Variants in CBR4 observed in about 807,000 individuals in gnomAD.
The protein encoded by CBR4 is 3-oxoacyl-[acyl-carrier-protein] reductase.
Under a neutral mutation model 21.0 loss-of-function variants are expected in CBR4, and 22 were observed. That is an observed-to-expected ratio of 1.05 (90% CI 0.75 to 1.50). The LOEUF is 1.50. CBR4 is among the 40% of genes most tolerant of loss of function. The probability of loss-of-function intolerance (pLI) is 0.00; values close to 1 mark genes in which losing one functional copy is unlikely to be tolerated. For missense variants in CBR4, 302 were observed against 286.3 expected (o/e 1.05, Z -0.40); for synonymous variants, 100 against 104.4 (o/e 0.96, Z 0.26).
chr4:168,922,238 C>A (rs1458888017), intron 2 of CBR4, among the ~76,000 whole-genome samples: 1 of 151,916 alleles, frequency 6.6e-6, no homozygotes, highest in Non-Finnish European at 1.5e-5. Context: ...TAGGTAAATT[C>A]TGTAAAAGTG....
At chr4:168,958,824 C>T (rs1227002555) in intron 2 of CBR4, among the ~76,000 whole-genome samples, 1 of 152,186 alleles carries the variant, frequency 6.6e-6, no homozygotes. Context: ...TTTCACATAT[C>T]TACAATTACT....
At chr4:168,979,027 A>G (rs1764459135) in intron 2 of CBR4, among the ~76,000 whole-genome samples, 1 of 152,026 alleles carries the variant, frequency 6.6e-6, no homozygotes. Flanking sequence ...CAAAGAGGTT[A>G]GGGACTATCT....
chr4:168,910,863 T>A (rs1355810470), intron 2 of CBR4, among the ~76,000 whole-genome samples: 2 of 152,146 alleles, frequency 1.3e-5, no homozygotes, highest in African/African-American at 4.8e-5. Flanking sequence ...AGATAGTGGT[T>A]AAATATGAAA....
At chr4:168,947,162 T>C (rs547166376) in intron 2 of CBR4, among the ~76,000 whole-genome samples, 2 of 152,208 alleles carry the variant, frequency 1.3e-5, no homozygotes, top group East Asian at 1.9e-4. Context: ...AATGTAAAAT[T>C]TACCATCTTA....
intron 2 of CBR4, among the ~76,000 whole-genome samples, chr4:168,901,782 C>T (rs750178376): frequency 2.6e-5 from 4 of 152,086 alleles, no homozygotes; most frequent in Non-Finnish European, 2.9e-5. Flanking sequence ...CACTTGAACC[C>T]GGGAGGCAGA....
chr4:169,008,176 C>A (rs1431451941), intron 1 of CBR4, among the ~76,000 whole-genome samples: 1 of 152,000 alleles, frequency 6.6e-6, no homozygotes, highest in Non-Finnish European at 1.5e-5. Flanking sequence ...TGGCCCTGAA[C>A]GGGAACTCTT....
Position 168,990,224 on chromosome 4 carries a change from C to T in CBR4, c.640G>A (p.Val214Met), listed in dbSNP as rs1375277023. 6.2e-7 allele frequency: 1 copy of T among 1,613,616 alleles called. No homozygotes were observed. ...GETIEVAHAV[V>M]FLLESPYITG... is the part of the protein sequence containing the mutation. The stretch of plus-strand genomic sequence containing the variant: ...ATATACGGTGATTCTAAAAGAAACA[C>T]AACCGCATGTGCCACCTCAATAGTT... Residue 214 changes from valine to methionine, a missense_variant, in exon 5 of 5, where the codon GTG becomes ATG. Transcript: ENST00000306193.
At chr4:168,921,786 A>T in intron 2 of CBR4, 1 of 1,411,252 alleles carries the variant, frequency 7.1e-7, no homozygotes, top group South Asian at 1.2e-5. Flanking sequence ...AATGAACATC[A>T]GACTTACAAA....
intron 1 of CBR4, chr4:169,009,133 C>G (rs1262645821): frequency 2.4e-6 from 1 of 425,164 alleles, no homozygotes; most frequent in Non-Finnish European, 4.6e-6. Flanking sequence ...CTCTATTCTC[C>G]CCATGCCTCC....
At chr4:168,905,790 C>CTTTTTTTTTTTTTTTTTTTTTTTTTTTT in intron 2 of CBR4, among the ~76,000 whole-genome samples, 1 of 113,096 alleles carries the variant, frequency 8.8e-6, no homozygotes, top group African/African-American at 3.2e-5. Flanking sequence ...GCTTTTTTTT[C>CTTTTTTTTTTTTTTTTTTTTTTTTTTTT]TTTTTTTTTT....
At chr4:168,895,304 C>A (rs1178878485) in intron 2 of CBR4, among the ~76,000 whole-genome samples, 1 of 152,182 alleles carries the variant, frequency 6.6e-6, no homozygotes, top group Non-Finnish European at 1.5e-5. Context: ...ATTGCTTGAA[C>A]CCGGGAGGTG....
chr4:168,910,618 G>A (rs886626155), intron 2 of CBR4, among the ~76,000 whole-genome samples: 4 of 151,994 alleles, frequency 2.6e-5, no homozygotes, highest in Non-Finnish European at 4.4e-5. Context: ...AATGCTGCCC[G>A]GTGCTTTACA....
chr4:168,910,796 T>A (rs1185215714), intron 2 of CBR4, among the ~76,000 whole-genome samples: 1 of 152,160 alleles, frequency 6.6e-6, no homozygotes, highest in Admixed American at 6.5e-5. Flanking sequence ...AGCTACTGAA[T>A]GCAATACGAA....
Position 168,904,108 on chromosome 4 carries a change from A to G in CBR4, n.170-9343T>C. Reference sequence around the variant, plus strand: ...ATACTTATTTATTCCATCAGGTGTTATTCTACTCCTTCCACAAATATTATT... The same window carrying G: ...ATACTTATTTATTCCATCAGGTGTTGTTCTACTCCTTCCACAAATATTATT... On this transcript the variant is annotated intron_variant and non_coding_transcript_variant, in intron 2 of 3. Coordinates refer to the CBR4 transcript ENST00000509108. The G allele has an allele frequency of 5.1e-6, 3 of 584,622 alleles. No individual in the cohort carries two copies. The South Asian group carries it at 5.9e-5, about 11-fold the overall frequency. The allele number at this position is 584,622 out of a possible 1,614,324, so 36.2% of individuals were successfully genotyped here.
intron 2 of CBR4, among the ~76,000 whole-genome samples, chr4:168,917,206 G>A (rs1056302220): frequency 9.9e-5 from 15 of 151,298 alleles, no homozygotes; most frequent in African/African-American, 3.4e-4. Flanking sequence ...GCACCACCAC[G>A]CCCAGTTAAT....
rs1757065691 is a variant in CBR4, at chr4:168,903,847, A to T, written n.170-9082T>A. On this transcript the variant is annotated intron_variant and non_coding_transcript_variant, in intron 2 of 3. Coordinates refer to the CBR4 transcript ENST00000509108. ...TCTCGATGGGACCTGCTCCCTCCAT[A>T]CCACAGCCTCCACCCTAGATGATGA... 6.2e-7 allele frequency: 1 copy of T among 1,613,762 alleles called. No homozygotes were observed.
chr4:168,907,728 A>C (rs778487354), intron 2 of CBR4, among the ~76,000 whole-genome samples: 1 of 152,132 alleles, frequency 6.6e-6, no homozygotes, highest in African/African-American at 2.4e-5. Context: ...CCCTTTGGAG[A>C]GAAGACAAAG....
At position 168,988,202 on chromosome 4, in the gene CBR4, TG is replaced by T; in HGVS notation, c.*1947del. On this transcript the variant is annotated 3_prime_UTR_variant, in exon 5 of 5. Transcript: ENST00000306193. ...TGGGAGTGGGCGGATTCACCTGGAG[TG>T]GAGCAGTGAAGGTTTATTTTACCTC... The T allele has an allele frequency of 1.0e-6, 1 of 985,304 alleles. No individual in the cohort carries two copies. The highest frequency in any genetic ancestry group is 1.2e-6 in the Non-Finnish European group (1 of 829,904). 61.0% of individuals were successfully genotyped at this position (985,304 alleles called of 1,614,324 possible).
At chr4:168,905,580 A>G (rs1459030284) in intron 2 of CBR4, among the ~76,000 whole-genome samples, 1 of 152,096 alleles carries the variant, frequency 6.6e-6, no homozygotes, top group Non-Finnish European at 1.5e-5. Flanking sequence ...TTATCCAGCT[A>G]ATCAGGTTGT....
Sources: allele counts gnomAD v4.1 joint callset (sites outside exome capture counted in the v4.1 genomes callset), GRCh38; gene constraint gnomAD v4.1.1; transcripts MANE v1.5; gene names NCBI Gene and HGNC (gene_info 2026-07-23, HGNC 2026-07-21).